The following TENM4 variants were observed in gnomAD, a reference collection of about 807,000 sequenced individuals.
TENM4 encodes teneurin-4.
A neutral mutation model predicts 243.3 loss-of-function variants in TENM4; 82 were observed. The ratio of observed to expected loss-of-function variants is 0.34; its 90% CI spans 0.28 to 0.40. The LOEUF (loss-of-function observed/expected upper bound fraction) is 0.40, where lower values mean the gene tolerates loss of function less well. Ranked by LOEUF, TENM4 falls within the 10% of genes least tolerant of loss-of-function variation. The probability of loss-of-function intolerance (pLI) is 1.00; values close to 1 mark genes in which losing one functional copy is unlikely to be tolerated. For synonymous variants in TENM4, 1,412 were observed against 1,456.3 expected (o/e 0.97, Z 0.69); for missense variants, 3,138 against 3,673.3 (o/e 0.85, Z 3.77).
intron 1 of TENM4, among the ~76,000 whole-genome samples, chr11:79,423,539 T>C (rs1276598981): frequency 9.8e-6 from 1 of 102,062 alleles, no homozygotes; most frequent in Non-Finnish European, 2.3e-5. Flanking sequence ...AAGTGCATTT[T>C]TTTTTTTTTT....
At chr11:79,378,379 G>C (rs929711057) in intron 1 of TENM4, among the ~76,000 whole-genome samples, 4 of 152,228 alleles carry the variant, frequency 2.6e-5, no homozygotes, top group African/African-American at 9.6e-5. Flanking sequence ...AACTGGGGAA[G>C]AACAGGGGAA....
At chr11:79,008,280 T>C (rs1460931786) in intron 6 of TENM4, among the ~76,000 whole-genome samples, 2 of 152,094 alleles carry the variant, frequency 1.3e-5, no homozygotes, top group Non-Finnish European at 2.9e-5. Context: ...CCACCCCGGG[T>C]TTAACGGGCT....
intron 3 of TENM4, among the ~76,000 whole-genome samples, chr11:79,210,683 G>A (rs1263338217): frequency 6.6e-6 from 1 of 152,134 alleles, no homozygotes; most frequent in Non-Finnish European, 1.5e-5. Flanking sequence ...TGAAAATGGG[G>A]AAAACACCGC....
intron 4 of TENM4, among the ~76,000 whole-genome samples, chr11:79,098,722 G>A (rs535193232): frequency 6.6e-6 from 1 of 152,310 alleles, no homozygotes; most frequent in East Asian, 1.9e-4. Flanking sequence ...TCTTCTCTGG[G>A]GCTCAGACCT....
intron 2 of TENM4, among the ~76,000 whole-genome samples, chr11:79,288,323 T>C (rs1350322487): frequency 6.6e-6 from 1 of 152,238 alleles, no homozygotes; most frequent in Non-Finnish European, 1.5e-5. Flanking sequence ...AGTAAGCTAG[T>C]AGACTTAAAA....
At chr11:78,856,256 AC>A in intron 10 of TENM4, 78 bp from the exon 11 acceptor site, 1 of 1,260,150 alleles carries the variant, frequency 7.9e-7, no homozygotes, top group Non-Finnish European at 1.1e-6. Context: ...GCATCTGAAC[AC>A]CCGGGACTCT....
At chr11:79,376,529 C>T (rs545508) in intron 1 of TENM4, among the ~76,000 whole-genome samples, 104,620 of 152,116 alleles carry the variant, frequency 0.69, 36,077 homozygotes, top group African/African-American at 0.74. Flanking sequence ...CACATTTCTC[C>T]ATCCCAGCAC....
At chr11:78,713,636 G>A in intron 25 of TENM4, among the ~76,000 whole-genome samples, 1 of 152,042 alleles carries the variant, frequency 6.6e-6, no homozygotes, top group Non-Finnish European at 1.5e-5. Context: ...GCAAAATAGG[G>A]GTGTTAACAG....
At chr11:78,857,172 C>T (rs1858701082) in intron 10 of TENM4, among the ~76,000 whole-genome samples, 3 of 152,178 alleles carry the variant, frequency 2.0e-5, no homozygotes, top group Admixed American at 2.0e-4. Context: ...GAAGACCACC[C>T]TTAGCACACT....
At chr11:79,154,782 G>A (rs1238870412) in intron 3 of TENM4, among the ~76,000 whole-genome samples, 1 of 152,080 alleles carries the variant, frequency 6.6e-6, no homozygotes, top group Non-Finnish European at 1.5e-5. Flanking sequence ...ACTTACCAGA[G>A]TGATGATCTG....
At chr11:79,361,767 GA>G (rs147994375) in intron 1 of TENM4, among the ~76,000 whole-genome samples, 4,308 of 149,680 alleles carry the variant, frequency 0.029, 163 homozygotes, top group African/African-American at 0.087. Flanking sequence ...TATCGCAACA[GA>G]AAAAAAAAAT....
intron 6 of TENM4, 145 bp from the exon 7 acceptor site, chr11:78,903,668 C>G: frequency 7.5e-7 from 1 of 1,328,096 alleles, no homozygotes; most frequent in Non-Finnish European, 1.0e-6. Context: ...AATTACACGA[C>G]AGTTGTTTAT....
At chr11:78,940,894 C>A (rs1174041346) in intron 6 of TENM4, among the ~76,000 whole-genome samples, 1 of 152,216 alleles carries the variant, frequency 6.6e-6, no homozygotes, top group Non-Finnish European at 1.5e-5. Context: ...TGGTCCTAGG[C>A]CTACCAGAAA....
intron 6 of TENM4, among the ~76,000 whole-genome samples, chr11:78,918,450 T>TAA (rs35213447): frequency 1.4e-4 from 20 of 143,092 alleles, no homozygotes; most frequent in Non-Finnish European, 2.3e-4. Context: ...CTACTTATGT[T>TAA]AAAAAAAAAA....
At chr11:78,825,058 T>A (rs948506795) in intron 12 of TENM4, among the ~76,000 whole-genome samples, 1 of 152,216 alleles carries the variant, frequency 6.6e-6, no homozygotes, top group South Asian at 2.1e-4. Flanking sequence ...GACAAAAATA[T>A]TGATTTGTTG....
At chr11:78,702,527 TG>T (rs1859133619) in intron 27 of TENM4, 124 bp from the exon 28 acceptor site, 4 of 1,149,634 alleles carry the variant, frequency 3.5e-6, no homozygotes, top group Non-Finnish European at 4.9e-6. Context: ...TTGATCCTCA[TG>T]CAGCCTATCA....
chr11:78,687,347 C>T (rs1028744465), intron 29 of TENM4, among the ~76,000 whole-genome samples: 5 of 152,178 alleles, frequency 3.3e-5, no homozygotes, highest in East Asian at 1.9e-4. Context: ...AGGCTCCTTT[C>T]ACTGCTTCGT....
intron 1 of TENM4, among the ~76,000 whole-genome samples, chr11:79,320,060 C>T (rs748528068): frequency 1.3e-5 from 2 of 152,174 alleles, no homozygotes; most frequent in East Asian, 1.9e-4. Context: ...CATAGCTCAT[C>T]GTAGAGCATG....
intron 18 of TENM4, among the ~76,000 whole-genome samples, chr11:78,763,555 G>T (rs1856477319): frequency 6.6e-6 from 1 of 152,232 alleles, no homozygotes; most frequent in Admixed American, 6.5e-5. Context: ...GGAGGATGAA[G>T]GCCCTGCCAT....
Sources: gnomAD v4.1 joint callset for allele counts (sites outside exome capture counted in the v4.1 genomes callset) on GRCh38, gnomAD v4.1.1 for gene constraint, MANE v1.5 for transcripts, NCBI Gene and HGNC (gene_info 2026-07-23, HGNC 2026-07-21) for gene names.